ATP1B3: variants seen among roughly 807,000 people sequenced by gnomAD.
The protein encoded by ATP1B3 is sodium/potassium-transporting ATPase subunit beta-3.
A neutral mutation model predicts 30.2 loss-of-function variants in ATP1B3; 10 were observed. The ratio of observed to expected loss-of-function variants is 0.33; its 90% CI spans 0.20 to 0.56. ATP1B3 has a LOEUF of 0.56. ATP1B3 is among the 20% of genes least tolerant of loss of function. The pLI, the probability that ATP1B3 is intolerant of heterozygous loss-of-function variation, is 0.90. For synonymous variants in ATP1B3, 113 were observed against 117.0 expected, an observed-to-expected ratio of 0.97 and a Z score of 0.22; for missense variants, 238 against 336.7, an observed-to-expected ratio of 0.71 and a Z score of 2.29.
intron 1 of ATP1B3, among the ~76,000 whole-genome samples, chr3:141,890,435 T>C (rs1266726181): frequency 1.3e-5 from 2 of 151,468 alleles, no homozygotes; most frequent in Admixed American, 1.3e-4. Context: ...CCCAAGTAGC[T>C]GGGATTACAG....
At chr3:141,903,493 C>CAA in intron 1 of ATP1B3, 127 bp from the exon 2 acceptor site, 1 of 1,357,640 alleles carries the variant, frequency 7.4e-7, no homozygotes, top group Non-Finnish European at 9.9e-7. Context: ...GGATATTTGG[C>CAA]TATGTGCATG....
rs1016114578 is a variant in ATP1B3, at chr3:141,925,795, T to C, written c.*94T>C. 1.4e-6 allele frequency: 2 copies of C among 1,431,630 alleles called. No homozygotes were observed. The highest frequency in any genetic ancestry group is 2.8e-5 in the African/African-American group (2 of 70,460). 88.7% of individuals were successfully genotyped at this position (1,431,630 alleles called of 1,614,324 possible). ...CCATTCTAGAATTATGAGACCACCT[T>C]GGAGAAAGGTGTGTGGTACATGACA... On this transcript the variant is annotated 3_prime_UTR_variant, in exon 7 of 7. Transcript: ENST00000286371.
chr3:141,903,367 A>G (rs1934202131), intron 1 of ATP1B3, among the ~76,000 whole-genome samples: 1 of 152,136 alleles, frequency 6.6e-6, no homozygotes, highest in Admixed American at 6.6e-5. Flanking sequence ...CAGAGTATGA[A>G]TGGTGGAAGC....
intron 1 of ATP1B3, among the ~76,000 whole-genome samples, chr3:141,889,680 A>G (rs1172827284): frequency 1.4e-5 from 2 of 146,842 alleles, no homozygotes; most frequent in African/African-American, 2.5e-5. Flanking sequence ...GTGAGCCAAG[A>G]CTGCACCACT....
rs1391199541 is a variant in ATP1B3 at position 141,900,058 on chromosome 3, GT to G, written c.110-3556del. On this transcript the variant is annotated intron_variant, in intron 1 of 6. Transcript: ENST00000286371. ...AAAAAAAATTTTTTTTTTGTTTGAT[GT>G]TTTTTCCAGGTTCCTGGCACAGAGC... Among the ~76,000 whole-genome samples, 13 of 152,100 alleles carry G rather than the reference GT, an allele frequency of 8.5e-5. No homozygotes were observed. In the East Asian group the frequency reaches 2.3e-3, roughly 27 times the overall value.
Position 141,876,712 on chromosome 3 carries a change from G to GCTGCGCCGCCGGAGCCGGGACGCGC in ATP1B3, c.-87_-63dup. On this transcript the variant is annotated 5_prime_UTR_variant, in exon 1 of 7. Coordinates refer to ENST00000286371, the MANE Select transcript of ATP1B3 (RefSeq NM_001679.4). ...TCCCACCCTTCACTGCCGTCTCCGG[G>GCTGCGCCGCCGGAGCCGGGACGCGC]CTGCGCCGCCGGAGCCGGGACGCGC... 2.1e-6 allele frequency: 2 copies of GCTGCGCCGCCGGAGCCGGGACGCGC among 964,626 alleles called. No individual in the cohort carries two copies. The highest frequency in any genetic ancestry group is 3.1e-6 in the Non-Finnish European group (2 of 637,718). The allele number at this position is 964,626 out of a possible 1,614,324, so 59.8% of individuals were successfully genotyped here. A position where few individuals can be genotyped will look rare whatever the true frequency, so the allele number is the denominator to read the frequency against.
In ATP1B3 at chr3:141,926,327, G is replaced by C. The variant is rs1934661069; in HGVS notation, c.*626G>C. The C allele has an allele frequency of 6.6e-6, 1 of 151,442 alleles. No homozygotes were observed. The highest frequency in any genetic ancestry group is 1.5e-5 in the Non-Finnish European group (1 of 67,910). 9.4% of individuals were successfully genotyped at this position (151,442 alleles called of 1,614,324 possible). Reference sequence around the variant, plus strand: ...AAAACTGGGATTAATTTTTAGTGTTGGAACTGCCTCTTATTTTAGGCTGTA... The same window carrying C: ...AAAACTGGGATTAATTTTTAGTGTTCGAACTGCCTCTTATTTTAGGCTGTA... On this transcript the variant is annotated 3_prime_UTR_variant, in exon 7 of 7. Coordinates refer to ENST00000286371, the MANE Select transcript of ATP1B3 (RefSeq NM_001679.4).
intron 6 of ATP1B3, among the ~76,000 whole-genome samples, chr3:141,922,952 C>G (rs111372835): frequency 3.3e-5 from 5 of 151,330 alleles, no homozygotes; most frequent in Admixed American, 1.3e-4. Flanking sequence ...GGCAACAGAG[C>G]GAGACTCTGT....
intron 3 of ATP1B3, among the ~76,000 whole-genome samples, chr3:141,912,075 T>C (rs1934372354): frequency 6.6e-6 from 1 of 152,170 alleles, no homozygotes; most frequent in African/African-American, 2.4e-5. Flanking sequence ...TGATGCTGTT[T>C]TGTTATAAAG....
rs894967608 is a variant in ATP1B3 at position 141,926,324 on chromosome 3, G to A, written c.*623G>A. Reference sequence around the variant, plus strand: ...AAAAAAACTGGGATTAATTTTTAGTGTTGGAACTGCCTCTTATTTTAGGCT... The same window carrying A: ...AAAAAAACTGGGATTAATTTTTAGTATTGGAACTGCCTCTTATTTTAGGCT... On this transcript the variant is annotated 3_prime_UTR_variant, in exon 7 of 7. Transcript: ENST00000286371. 24 of 151,492 alleles carry A rather than the reference G, an allele frequency of 1.6e-4. No individual in the cohort carries two copies. The highest frequency in any genetic ancestry group is 3.4e-3 in the Middle Eastern group (1 of 290). The allele number at this position is 151,492 out of a possible 1,614,324, so 9.4% of individuals were successfully genotyped here. A position where few individuals can be genotyped will look rare whatever the true frequency, so the allele number is the denominator to read the frequency against.
chr3:141,913,552 T>C, intron 3 of ATP1B3, 100 bp from the exon 4 acceptor site: 1 of 1,057,954 alleles, frequency 9.5e-7, no homozygotes, highest in Non-Finnish European at 1.3e-6. Context: ...TACATTGCTG[T>C]TTTTGTCTTT....
intron 1 of ATP1B3, among the ~76,000 whole-genome samples, chr3:141,886,814 A>G (rs1006941228): frequency 4.6e-5 from 7 of 152,204 alleles, no homozygotes; most frequent in Non-Finnish European, 8.8e-5. Flanking sequence ...CCTCGATGAC[A>G]TAAGGAGACC....
At chr3:141,902,972 C>T (rs1934192029) in intron 1 of ATP1B3, 1 of 152,110 alleles carries the variant, frequency 6.6e-6, no homozygotes, top group South Asian at 2.1e-4. Context: ...TGCACAAGGG[C>T]CATGCTAATC....
chr3:141,921,963 G>A lies in ATP1B3; in HGVS notation c.583-14G>A, dbSNP rs910423996. ...TTGTGACCTAAAGAGGATTTCTTTTGTTTTCAACTTCAGAATGAAGATATA... is the reference window on the plus strand; with the variant it reads ...TTGTGACCTAAAGAGGATTTCTTTTATTTTCAACTTCAGAATGAAGATATA... On this transcript the variant is annotated splice_polypyrimidine_tract_variant and intron_variant, in intron 5 of 6. Transcript: ENST00000286371. 1.3e-5 allele frequency: 19 copies of A among 1,425,176 alleles called. No homozygotes were observed. The highest frequency in any genetic ancestry group is 1.8e-5 in the Non-Finnish European group (19 of 1,046,114). 88.3% of individuals were successfully genotyped at this position (1,425,176 alleles called of 1,614,324 possible).
At chr3:141,923,986 G>A (rs1008060706) in intron 6 of ATP1B3, among the ~76,000 whole-genome samples, 2 of 152,154 alleles carry the variant, frequency 1.3e-5, no homozygotes, top group African/African-American at 4.8e-5. Flanking sequence ...TGGTATGAGC[G>A]AGGTTTCTAC....
chr3:141,917,816 G>A (rs1934494708), intron 5 of ATP1B3, among the ~76,000 whole-genome samples: 1 of 149,468 alleles, frequency 6.7e-6, no homozygotes, highest in Non-Finnish European at 1.5e-5. Flanking sequence ...TGCCCAGGCT[G>A]GAGTGCAGTG....
At chr3:141,887,396 T>C (rs1933856719) in intron 1 of ATP1B3, among the ~76,000 whole-genome samples, 1 of 152,168 alleles carries the variant, frequency 6.6e-6, no homozygotes, top group South Asian at 2.1e-4. Context: ...GATGTGAATA[T>C]CAGTAAGTCC....
intron 1 of ATP1B3, among the ~76,000 whole-genome samples, chr3:141,896,257 T>G (rs1407304920): frequency 1.3e-5 from 2 of 151,516 alleles, no homozygotes; most frequent in Non-Finnish European, 2.9e-5. Flanking sequence ...TCACTTGAAG[T>G]CAGGAATTCA....
At chr3:141,913,530 T>C in intron 3 of ATP1B3, 122 bp from the exon 4 acceptor site, 1 of 810,070 alleles carries the variant, frequency 1.2e-6, no homozygotes, top group Non-Finnish European at 1.9e-6. Context: ...TCCCTAAAGT[T>C]ATCTGGTAAT....
Sources: allele counts gnomAD v4.1 joint callset (sites outside exome capture counted in the v4.1 genomes callset), GRCh38; gene constraint gnomAD v4.1.1; transcripts MANE v1.5; gene names NCBI Gene and HGNC (gene_info 2026-07-23, HGNC 2026-07-21).